The following TXLNB variants were observed in gnomAD, a reference collection of about 807,000 sequenced individuals.
TXLNB encodes beta-taxilin.
In TXLNB, 37 loss-of-function variants were observed where a neutral mutation model predicts 57.4. That is an observed-to-expected ratio of 0.64 (90% CI 0.50 to 0.85). TXLNB has a LOEUF of 0.85. Ranked by LOEUF, TXLNB falls within the 40% of genes least tolerant of loss-of-function variation. The probability of loss-of-function intolerance (pLI) is 0.00; values close to 1 mark genes in which losing one functional copy is unlikely to be tolerated. For missense variants in TXLNB, 848 were observed against 825.6 expected, an observed-to-expected ratio of 1.03 and a Z score of -0.33; for synonymous variants, 302 against 309.6, an observed-to-expected ratio of 0.98 and a Z score of 0.26.
At chr6:139,190,543 T>G in the TXLNB span, among the ~76,000 whole-genome samples, 1 of 152,068 alleles carries the variant, frequency 6.6e-6, no homozygotes, top group Non-Finnish European at 1.5e-5. Flanking sequence ...ACTCCTGACC[T>G]TGTGATCTGC....
the TXLNB span, among the ~76,000 whole-genome samples, chr6:139,176,043 G>A: frequency 6.6e-6 from 1 of 152,228 alleles, no homozygotes; most frequent in South Asian, 2.1e-4. The surrounding 1 kb of genome is among the most constrained non-coding windows in gnomAD (Gnocchi z 4.5). Context: ...TCTTAGAAAG[G>A]TATAACAGTG....
At chr6:139,228,381 C>G in the TXLNB span, among the ~76,000 whole-genome samples, 3 of 151,928 alleles carry the variant, frequency 2.0e-5, no homozygotes, top group African/African-American at 7.3e-5. Flanking sequence ...AAAAAATTAG[C>G]TGGGCATGGT....
chr6:139,284,179 G>A (rs1777119392), intron 2 of TXLNB, among the ~76,000 whole-genome samples: 1 of 145,530 alleles, frequency 6.9e-6, no homozygotes. Context: ...TAAAGGCCAT[G>A]ACTTATTTAT....
At chr6:139,171,578 G>A in the TXLNB span, among the ~76,000 whole-genome samples, 2 of 152,164 alleles carry the variant, frequency 1.3e-5, no homozygotes, top group African/African-American at 2.4e-5. Context: ...TGTAAATCAT[G>A]TCTTCAATCA....
At chr6:139,246,084 ATT>A (rs11315899) in intron 8 of TXLNB, among the ~76,000 whole-genome samples, 4 of 151,808 alleles carry the variant, frequency 2.6e-5, no homozygotes, top group Middle Eastern at 3.4e-3. Context: ...TATGTGCATC[ATT>A]TTTTTTTATG....
the TXLNB span, among the ~76,000 whole-genome samples, chr6:139,320,865 TC>T: frequency 1.8e-4 from 28 of 152,324 alleles, no homozygotes; most frequent in South Asian, 5.8e-3. Context: ...TTCTGCCCTT[TC>T]CCACTTTCTC....
Position 139,240,769 on chromosome 6 carries a change from T to C in TXLNB, c.*1757A>G, listed in dbSNP as rs1440845098. ...CTTTGTTATTATCCTCACTGTCTAC[T>C]TCAAACAAACTGTATGCAGTTTACA... On this transcript the variant is annotated 3_prime_UTR_variant, in exon 10 of 10. Transcript: ENST00000358430. The C allele has an allele frequency of 1.3e-5, 2 of 152,546 alleles. No individual in the cohort carries two copies. The highest frequency in any genetic ancestry group is 2.9e-5 in the Non-Finnish European group (2 of 68,046). The allele number at this position is 152,546 out of a possible 1,614,324, so 9.4% of individuals were successfully genotyped here.
the TXLNB span, among the ~76,000 whole-genome samples, chr6:139,302,059 T>C: frequency 2.6e-5 from 4 of 151,666 alleles, no homozygotes; most frequent in Non-Finnish European, 4.4e-5. Context: ...CGATGCTTTA[T>C]TGGGTAAAAG....
the TXLNB span, among the ~76,000 whole-genome samples, chr6:139,320,411 T>C: frequency 6.6e-6 from 1 of 152,236 alleles, no homozygotes; most frequent in Non-Finnish European, 1.5e-5. Context: ...TAGCTCGTTA[T>C]GAGTTGATAT....
At chr6:139,225,576 T>G in the TXLNB span, among the ~76,000 whole-genome samples, 1 of 152,178 alleles carries the variant, frequency 6.6e-6, no homozygotes, top group African/African-American at 2.4e-5. Flanking sequence ...TCATTTTCAA[T>G]TGTATCATAA....
Position 139,241,879 on chromosome 6 carries a change from C to G in TXLNB, c.*647G>C, listed in dbSNP as rs1197970875. 1 of 152,104 alleles carries G rather than the reference C, an allele frequency of 6.6e-6. No homozygotes were observed. The highest frequency in any genetic ancestry group is 6.5e-5 in the Admixed American group (1 of 15,274). 9.4% of individuals were successfully genotyped at this position (152,104 alleles called of 1,614,324 possible). ...CATTAGTCAACCATAGTCTCAAGTG[C>G]AAGTAAGAGATCATTTTTTTGATTA... On this transcript the variant is annotated 3_prime_UTR_variant, in exon 10 of 10. Transcript: ENST00000358430.
At chr6:139,294,720 T>C (rs760724713), upstream of TXLNB, among the ~76,000 whole-genome samples, 3 of 152,224 alleles carry the variant, frequency 2.0e-5, no homozygotes, top group Non-Finnish European at 4.4e-5. Flanking sequence ...CCCGGCACGC[T>C]GGCTCACGGC....
the TXLNB span, among the ~76,000 whole-genome samples, chr6:139,168,561 GA>G: frequency 9.2e-5 from 14 of 151,884 alleles, no homozygotes; most frequent in Middle Eastern, 0.01. Flanking sequence ...GCCCCTCGTG[GA>G]GACTCTTACC....
chr6:139,216,801 T>A, the TXLNB span, among the ~76,000 whole-genome samples: 1 of 152,104 alleles, frequency 6.6e-6, no homozygotes, highest in African/African-American at 2.4e-5. Flanking sequence ...CATTTATAAG[T>A]GGGAGCTAAG....
chr6:139,222,234 G>A, the TXLNB span, among the ~76,000 whole-genome samples: 1,453 of 152,060 alleles, frequency 9.6e-3, 17 homozygotes, highest in African/African-American at 0.033. Context: ...CAAATAATTT[G>A]GGAAAATTGA....
At chr6:139,317,638 G>A in the TXLNB span, among the ~76,000 whole-genome samples, 5 of 151,840 alleles carry the variant, frequency 3.3e-5, no homozygotes, top group Admixed American at 2.0e-4. Context: ...TGACCTTCCC[G>A]CCTCGGCCTC....
At chr6:139,160,847 AT>A in the TXLNB span, among the ~76,000 whole-genome samples, 1 of 152,234 alleles carries the variant, frequency 6.6e-6, no homozygotes, top group African/African-American at 2.4e-5. Context: ...ATAAGCAAAC[AT>A]TTTTATGAAA....
Position 139,288,828 on chromosome 6 carries a change from T to C in TXLNB, c.72A>G (p.Leu24=). 1 of 1,614,228 alleles carries C rather than the reference T, an allele frequency of 6.2e-7. No individual in the cohort carries two copies. The highest frequency in any genetic ancestry group is 8.5e-7 in the Non-Finnish European group (1 of 1,180,022). ...CCTTCTCCAGGCCATTGTGACTGGG[T>C]AATGATGAACTGTCACCTGGAGGTG... ...QSTPPGDSSS[L]PSHNGLEKED... Residue 24 remains leucine, a synonymous_variant, in exon 2 of 10, where the codon TTA becomes TTG. Transcript: ENST00000358430.
At chr6:139,247,005 G>A (rs1446577732) in intron 8 of TXLNB, among the ~76,000 whole-genome samples, 1 of 152,004 alleles carries the variant, frequency 6.6e-6, no homozygotes, top group Non-Finnish European at 1.5e-5. Flanking sequence ...TTGAATTCAG[G>A]CTTCCATCTT....
Sources: gnomAD v4.1 joint callset for allele counts (sites outside exome capture counted in the v4.1 genomes callset) on GRCh38, gnomAD v4.1.1 for gene constraint, Gnocchi (gnomAD v3.1) non-coding constraint, MANE v1.5 for transcripts, NCBI Gene and HGNC (gene_info 2026-07-23, HGNC 2026-07-21) for gene names.